Variants in GPC6 observed in about 807,000 individuals in gnomAD.
The protein encoded by GPC6 is glypican-6.
A neutral mutation model predicts 55.2 loss-of-function variants in GPC6; 14 were observed. The observed-to-expected ratio is 0.25, with a 90% CI of 0.17 to 0.40. The LOEUF is 0.40. GPC6 is among the 10% of genes least tolerant of loss of function. The pLI is 1.00. For synonymous variants in GPC6, 278 were observed against 259.6 expected (o/e 1.07, Z -0.68); for missense variants, 641 against 708.5 (o/e 0.90, Z 1.08).
At chr13:93,621,630 A>G (rs1396734657) in intron 2 of GPC6, among the ~76,000 whole-genome samples, 3 of 152,020 alleles carry the variant, frequency 2.0e-5, no homozygotes, top group African/African-American at 7.2e-5. Flanking sequence ...CATGTTCAAA[A>G]ATATAGTAAT....
At chr13:94,402,694 C>G (rs1881193829) in intron 8 of GPC6, among the ~76,000 whole-genome samples, 1 of 152,184 alleles carries the variant, frequency 6.6e-6, no homozygotes, top group Non-Finnish European at 1.5e-5. Context: ...TTCAGCATGG[C>G]TGGGGAGGCC....
intron 3 of GPC6, among the ~76,000 whole-genome samples, chr13:94,000,761 G>A (rs1042753113): frequency 1.3e-5 from 2 of 152,308 alleles, no homozygotes; most frequent in South Asian, 2.1e-4. Context: ...GAATTTCAAA[G>A]CAATTTGCCA....
chr13:93,227,474 G>A lies in GPC6; in HGVS notation c.18G>A (p.Gly6=), dbSNP rs766923499. The change falls in exon 1 of 9, where the codon GGG becomes GGA. Residue 6 remains glycine (G), a synonymous_variant. Transcript: ENST00000377047. The surrounding 1 kb of genome is among the most constrained non-coding windows in gnomAD (Gnocchi z 4.3). MPSWI[G]AVILPLLGLL... ...GTTGCACCATGCCTTCTTGGATCGG[G>A]GCTGTGATTCTTCCCCTCTTGGGGC... 2.7e-5 allele frequency: 43 copies of A among 1,613,802 alleles called. No homozygotes were observed. The highest frequency in any genetic ancestry group is 3.4e-5 in the Non-Finnish European group (40 of 1,179,856).
chr13:93,674,916 G>A (rs1021655026), intron 2 of GPC6, among the ~76,000 whole-genome samples: 6 of 152,146 alleles, frequency 3.9e-5, no homozygotes, highest in Admixed American at 6.6e-5. Context: ...ACCTGGGTAT[G>A]GGTGTTAATT....
chr13:94,091,093 A>AC lies in GPC6; in HGVS notation c.877+63202dup, dbSNP rs2138811506. ...ATCTATTCACTGCAATGTAGCTAGA[A>AC]CCCATTTTTTGCAATGCTATGAAAT... On this transcript the variant is annotated intron_variant, in intron 4 of 8. Transcript: ENST00000377047. Among the ~76,000 whole-genome samples the AC allele has an allele frequency of 2.0e-5, 3 of 152,248 alleles. No homozygotes were observed. In the South Asian group the frequency reaches 6.2e-4, roughly 32 times the overall value.
intron 1 of GPC6, among the ~76,000 whole-genome samples, chr13:93,322,727 A>C (rs970774390): frequency 2.0e-5 from 3 of 152,100 alleles, no homozygotes; most frequent in Admixed American, 6.6e-5. Flanking sequence ...GGCATGAGCC[A>C]CCACACCTGG....
intron 4 of GPC6, among the ~76,000 whole-genome samples, chr13:94,184,450 CAAAT>C (rs1239243354): frequency 8.6e-5 from 13 of 151,796 alleles, no homozygotes; most frequent in Admixed American, 7.9e-4. Flanking sequence ...AAGCAAAAAA[CAAAT>C]AACCCCATTA....
In GPC6 at chr13:93,451,686, A is replaced by G. The variant is rs535709733; in HGVS notation, c.161-93577A>G. 7.9e-4 allele frequency among the ~76,000 whole-genome samples: 121 copies of G among 152,286 alleles called. 1 individual carries two copies. The highest frequency in any genetic ancestry group is 6.8e-3 in the Middle Eastern group (2 of 292). ...TGACCCTCTACAAAAATGTTTTCCAATCCTTACTAAATGATTGTCTCATTC... is the reference window on the plus strand; with the variant it reads ...TGACCCTCTACAAAAATGTTTTCCAGTCCTTACTAAATGATTGTCTCATTC... On this transcript the variant is annotated intron_variant, in intron 1 of 8. Coordinates refer to ENST00000377047, the MANE Select transcript of GPC6 (RefSeq NM_005708.5).
At chr13:93,289,637 G>A (rs1162154609) in intron 1 of GPC6, among the ~76,000 whole-genome samples, 1 of 152,048 alleles carries the variant, frequency 6.6e-6, no homozygotes, top group Non-Finnish European at 1.5e-5. Flanking sequence ...ACCCTATGTT[G>A]ATAAAACTTG....
chr13:93,230,768 C>A (rs1875977779), intron 1 of GPC6, among the ~76,000 whole-genome samples: 1 of 152,072 alleles, frequency 6.6e-6, no homozygotes, highest in African/African-American at 2.4e-5. Context: ...AGTTTCCAAT[C>A]CTCCTCATGT....
chr13:94,339,169 G>A (rs539902991), intron 6 of GPC6, among the ~76,000 whole-genome samples: 34 of 152,026 alleles, frequency 2.2e-4, no homozygotes, highest in African/African-American at 8.0e-4. Context: ...GGCTCAAGCA[G>A]TCCTCCGGCC....
At chr13:93,290,458 G>A (rs1878282258) in intron 1 of GPC6, among the ~76,000 whole-genome samples, 1 of 151,940 alleles carries the variant, frequency 6.6e-6, no homozygotes, top group African/African-American at 2.4e-5. Context: ...CGAGTAAATT[G>A]GTTCATTTTA....
intron 2 of GPC6, among the ~76,000 whole-genome samples, chr13:93,600,151 A>C (rs544279905): frequency 6.6e-6 from 1 of 152,338 alleles, no homozygotes; most frequent in South Asian, 2.1e-4. Flanking sequence ...CAAATAATCA[A>C]GTACTAAATT....
chr13:94,318,498 G>A (rs9589951), intron 6 of GPC6, among the ~76,000 whole-genome samples: 45,807 of 151,944 alleles, frequency 0.3, 7,218 homozygotes, highest in Non-Finnish European at 0.34. Flanking sequence ...ATCATCTCTC[G>A]TGCGTGCGCT....
intron 7 of GPC6, among the ~76,000 whole-genome samples, chr13:94,388,707 G>A (rs1407460005): frequency 6.6e-6 from 1 of 152,170 alleles, no homozygotes; most frequent in East Asian, 1.9e-4. Flanking sequence ...TTCTCTTCCT[G>A]GCTTATAGAC....
intron 1 of GPC6, among the ~76,000 whole-genome samples, chr13:93,310,165 T>C (rs1015765326): frequency 6.6e-6 from 1 of 152,212 alleles, no homozygotes; most frequent in East Asian, 1.9e-4. Flanking sequence ...TGATCTGGCT[T>C]CCACTTGATT....
chr13:94,241,147 C>T lies in GPC6; in HGVS notation c.878-45202C>T, dbSNP rs556685375. On this transcript the variant is annotated intron_variant, in intron 4 of 8. Coordinates refer to ENST00000377047, the MANE Select transcript of GPC6 (RefSeq NM_005708.5). Reference sequence around the variant, plus strand: ...AGACTAGAGTGCAATCTCTTGGTCACGTGAGGATACAAAGAGAAGATAGCT... The same window carrying T: ...AGACTAGAGTGCAATCTCTTGGTCATGTGAGGATACAAAGAGAAGATAGCT... Among the ~76,000 whole-genome samples, 11 of 152,192 alleles carry T rather than the reference C, an allele frequency of 7.2e-5. No individual in the cohort carries two copies. The South Asian group carries it at 8.3e-4, about 11-fold the overall frequency.
chr13:93,225,747 G>C (rs74337544), upstream of GPC6, among the ~76,000 whole-genome samples: 9,418 of 152,178 alleles, frequency 0.062, 352 homozygotes, highest in South Asian at 0.11. Flanking sequence ...AGTCATTCTG[G>C]TCATTCATAT....
intron 1 of GPC6, among the ~76,000 whole-genome samples, chr13:93,460,139 A>G (rs935723403): frequency 6.6e-6 from 1 of 152,122 alleles, no homozygotes; most frequent in Non-Finnish European, 1.5e-5. Flanking sequence ...CTTTGCTTCT[A>G]CTCATTTAAA....
Sources: gnomAD v4.1 joint callset for allele counts (sites outside exome capture counted in the v4.1 genomes callset) on GRCh38, gnomAD v4.1.1 for gene constraint, Gnocchi (gnomAD v3.1) non-coding constraint, MANE v1.5 for transcripts, NCBI Gene and HGNC (gene_info 2026-07-23, HGNC 2026-07-21) for gene names.